The following PAK2 variants were observed in gnomAD, a reference collection of about 807,000 sequenced individuals.
PAK2 encodes p21 (RAC1) activated kinase 2.
A neutral mutation model predicts 65.9 loss-of-function variants in PAK2; 21 were observed. The ratio of observed to expected loss-of-function variants is 0.32; its 90% CI spans 0.23 to 0.46. PAK2 has a LOEUF of 0.46. PAK2 is among the 20% of genes least tolerant of loss of function. The probability of loss-of-function intolerance (pLI) is 1.00; values close to 1 mark genes in which losing one functional copy is unlikely to be tolerated. For synonymous variants in PAK2, 204 were observed against 219.7 expected (o/e 0.93, Z 0.63); for missense variants, 324 against 642.6 (o/e 0.50, Z 5.36).
intron 2 of PAK2, among the ~76,000 whole-genome samples, chr3:196,794,875 C>T (rs1715199472): frequency 6.6e-6 from 1 of 152,140 alleles, no homozygotes; most frequent in Non-Finnish European, 1.5e-5. Flanking sequence ...CTGCTAGAAC[C>T]CAGGCAAACC....
Position 196,782,763 on chromosome 3 carries a change from T to C in PAK2, c.117T>C (p.Pro39=), listed in dbSNP as rs780909968. ...DPLSANHSLK[P]LPSVPEEKKP... ...TGTCAGCCAATCACAGTTTGAAACCTTTGCCCTCTGTTCCAGAAGAGAAAA... is the reference window on the plus strand; with the variant it reads ...TGTCAGCCAATCACAGTTTGAAACCCTTGCCCTCTGTTCCAGAAGAGAAAA... Residue 39 remains proline (P), a synonymous_variant, in exon 2 of 15, where the codon CCT becomes CCC. Transcript: ENST00000327134. 3 of 1,613,524 alleles carry C rather than the reference T, an allele frequency of 1.9e-6. No individual in the cohort carries two copies. The highest frequency in any genetic ancestry group is 2.7e-5 in the African/African-American group (2 of 74,914).
chr3:196,776,865 G>C (rs1714553117), intron 1 of PAK2, among the ~76,000 whole-genome samples: 1 of 152,188 alleles, frequency 6.6e-6, no homozygotes. Context: ...AGGAAGGTCA[G>C]GTTTAGTGTA....
intron 7 of PAK2, among the ~76,000 whole-genome samples, chr3:196,810,148 ATATATTCAAATATATCTATTTC>A (rs1423152888): frequency 1.1e-4 from 16 of 151,850 alleles, no homozygotes; most frequent in Non-Finnish European, 1.8e-4. Flanking sequence ...CTATTAATAG[ATATATTCAAATATATCTATTTC>A]TATATTCAAA....
At chr3:196,792,824 C>T (rs1230982918) in intron 2 of PAK2, among the ~76,000 whole-genome samples, 5 of 152,002 alleles carry the variant, frequency 3.3e-5, no homozygotes, top group African/African-American at 1.2e-4. Context: ...TATACACACA[C>T]ACACACACGG....
At chr3:196,764,841 CTTTTTTTT>C (rs57199433) in intron 1 of PAK2, among the ~76,000 whole-genome samples, 1 of 107,640 alleles carries the variant, frequency 9.3e-6, no homozygotes, top group Non-Finnish European at 1.9e-5. Context: ...TCTTTTCTTT[CTTTTTTTT>C]TTTTTTTTTT....
intron 2 of PAK2, 56 bp downstream of exon 2, chr3:196,782,889 C>T: frequency 1.7e-6 from 2 of 1,182,220 alleles, no homozygotes; most frequent in Admixed American, 2.2e-5. Context: ...TTGTATGTTA[C>T]CCATGTTGAT....
intron 7 of PAK2, among the ~76,000 whole-genome samples, chr3:196,810,378 T>C (rs1715736505): frequency 6.6e-6 from 1 of 152,144 alleles, no homozygotes; most frequent in Admixed American, 6.6e-5. Context: ...TTTTAAACTT[T>C]TAATGTGTCT....
rs148263003 is a variant in PAK2 at position 196,789,794 on chromosome 3, G to A, written c.187+6961G>A. Among the ~76,000 whole-genome samples the A allele has an allele frequency of 7.3e-3, 1,104 of 152,252 alleles. 9 individuals are homozygous for A. Among genetic ancestry groups the A allele is most frequent in the Non-Finnish European group, 0.012 (793 of 68,012 alleles). The stretch of plus-strand genomic sequence containing the variant: ...AACAATTTTTCTGTGGGGCTGACGG[G>A]GGGGTGGTTTCGGTATGAAACTCTT... On this transcript the variant is annotated intron_variant, in intron 2 of 14. Transcript: ENST00000327134.
At chr3:196,825,366 A>G (rs1358125088) in intron 13 of PAK2, among the ~76,000 whole-genome samples, 2 of 149,662 alleles carry the variant, frequency 1.3e-5, no homozygotes, top group Non-Finnish European at 3.0e-5. Flanking sequence ...TAAATAGGCC[A>G]GATGCAGTGG....
At chr3:196,765,138 C>T (rs1283217493) in intron 1 of PAK2, among the ~76,000 whole-genome samples, 5 of 140,794 alleles carry the variant, frequency 3.6e-5, no homozygotes, top group African/African-American at 7.9e-5. Context: ...GCCACCGTGC[C>T]CGGCCTTTTT....
At chr3:196,780,456 A>T (rs912306540) in intron 1 of PAK2, among the ~76,000 whole-genome samples, 2 of 152,148 alleles carry the variant, frequency 1.3e-5, no homozygotes, top group African/African-American at 4.8e-5. Flanking sequence ...GTGCAGGGAA[A>T]CACTTCTTTT....
chr3:196,796,586 A>T (rs962745238), intron 2 of PAK2, among the ~76,000 whole-genome samples: 2 of 152,244 alleles, frequency 1.3e-5, no homozygotes, highest in Non-Finnish European at 2.9e-5. Context: ...ATGATAGTAT[A>T]TGAAGAGTTC....
intron 10 of PAK2, 101 bp downstream of exon 10, chr3:196,812,952 C>G: frequency 1.6e-6 from 1 of 606,106 alleles, no homozygotes. Flanking sequence ...ACTGTCAGTG[C>G]CGAGAAATAA....
intron 11 of PAK2, among the ~76,000 whole-genome samples, chr3:196,817,837 T>C (rs1711522665): frequency 6.6e-6 from 1 of 152,106 alleles, no homozygotes; most frequent in African/African-American, 2.4e-5. Context: ...TCTACTGACT[T>C]TTTAAAAAAT....
intron 11 of PAK2, among the ~76,000 whole-genome samples, chr3:196,817,156 A>ATT (rs11314877): frequency 0.084 from 7,124 of 84,840 alleles, 898 homozygotes; most frequent in Non-Finnish European, 0.12. Context: ...GAAAGAGGCA[A>ATT]TTTTTTTTTT....
chr3:196,755,787 C>A (rs538139893), intron 1 of PAK2, among the ~76,000 whole-genome samples: 123 of 151,132 alleles, frequency 8.1e-4, no homozygotes, highest in African/African-American at 2.9e-3. Flanking sequence ...GACGGAGTCT[C>A]GCTTTGTTGC....
rs1210005206 is a variant in PAK2 at position 196,791,174 on chromosome 3, T to C, written c.187+8341T>C. 6.6e-6 allele frequency among the ~76,000 whole-genome samples: 1 copy of C among 152,192 alleles called. No individual in the cohort carries two copies. The highest frequency in any genetic ancestry group is 1.5e-5 in the Non-Finnish European group (1 of 68,020). ...AAGAGTATTAAAGACATTCTGTTGG[T>C]ATAGCAATATCTTTCCAGCACATTG... On this transcript the variant is annotated intron_variant, in intron 2 of 14. Coordinates refer to ENST00000327134, the MANE Select transcript of PAK2 (RefSeq NM_002577.4). This position sits in a 1 kb window ranked among gnomAD's most constrained non-coding sequence, Gnocchi z 4.0.
At chr3:196,827,112 G>GA in intron 13 of PAK2, 84 bp from the exon 14 acceptor site, 6 of 748,446 alleles carry the variant, frequency 8.0e-6, no homozygotes, top group Non-Finnish European at 1.0e-5. Context: ...CTTTAAAGAA[G>GA]AAAGAATCCC....
chr3:196,828,625 C>A lies in PAK2; in HGVS notation c.*220C>A. The A allele has an allele frequency of 2.0e-6, 1 of 497,314 alleles. No individual in the cohort carries two copies. Among genetic ancestry groups the A allele is most frequent in the East Asian group, 3.7e-5 (1 of 26,856 alleles). 30.8% of individuals were successfully genotyped at this position (497,314 alleles called of 1,614,324 possible). ...TTTAGGGTCCAGAAGGAATTGTGGA[C>A]TGAATCACTAGCCTTAGGTCTTTCA... On this transcript the variant is annotated 3_prime_UTR_variant, in exon 15 of 15. Transcript: ENST00000327134.
Sources: gnomAD v4.1 joint callset for allele counts (sites outside exome capture counted in the v4.1 genomes callset) on GRCh38, gnomAD v4.1.1 for gene constraint, Gnocchi (gnomAD v3.1) non-coding constraint, MANE v1.5 for transcripts, NCBI Gene and HGNC (gene_info 2026-07-23, HGNC 2026-07-21) for gene names.